RAF1: variants seen among roughly 807,000 people sequenced by gnomAD.
RAF1 encodes Raf-1 proto-oncogene, serine/threonine kinase, also known as RAF proto-oncogene serine/threonine-protein kinase.
A neutral mutation model predicts 81.1 loss-of-function variants in RAF1; 27 were observed. That is an observed-to-expected ratio of 0.33 (90% CI 0.25 to 0.46). The LOEUF (loss-of-function observed/expected upper bound fraction) is 0.46. Among genes scored for constraint, RAF1 ranks in the 20% least tolerant of loss-of-function variants. The pLI is 1.00. For synonymous variants in RAF1, 298 were observed against 294.0 expected (o/e 1.01, Z -0.14); for missense variants, 598 against 826.0 (o/e 0.72, Z 3.38).
chr3:12,592,487 T>A (rs1174844230), intron 11 of RAF1, among the ~76,000 whole-genome samples: 1 of 152,200 alleles, frequency 6.6e-6, no homozygotes, highest in Non-Finnish European at 1.5e-5. Flanking sequence ...ACAGCTGCCC[T>A]CTGACGTAAA....
At chr3:12,656,963 C>T (rs1039905887) in intron 1 of RAF1, among the ~76,000 whole-genome samples, 2 of 149,178 alleles carry the variant, frequency 1.3e-5, no homozygotes, top group South Asian at 2.1e-4. Flanking sequence ...CGCCACTGTA[C>T]GCCAGCCTTT....
intron 1 of RAF1, among the ~76,000 whole-genome samples, chr3:12,655,010 C>T (rs189329575): frequency 6.7e-5 from 10 of 149,348 alleles, no homozygotes; most frequent in African/African-American, 2.2e-4. Context: ...ACCCCCCCCC[C>T]GCCATCTCTA....
chr3:12,607,167 G>A (rs2059060582), intron 5 of RAF1, among the ~76,000 whole-genome samples: 1 of 152,130 alleles, frequency 6.6e-6, no homozygotes, highest in South Asian at 2.1e-4. Context: ...AGAAAAGTGA[G>A]TAATTAGGCA....
intron 1 of RAF1, among the ~76,000 whole-genome samples, chr3:12,635,637 CAAAAAA>C (rs34576938): frequency 4.1e-5 from 3 of 73,288 alleles, no homozygotes; most frequent in African/African-American, 1.2e-4. Flanking sequence ...ACTCCAGCTC[CAAAAAA>C]AAAAAAAAAA....
intron 1 of RAF1, among the ~76,000 whole-genome samples, chr3:12,622,388 T>G (rs2059581804): frequency 6.8e-6 from 1 of 147,730 alleles, no homozygotes; most frequent in East Asian, 1.9e-4. Context: ...GAATAAAATC[T>G]AAACTCCCTG....
At position 12,604,366 on chromosome 3, in the gene RAF1, T is replaced by C. The variant is rs2058961859; in HGVS notation, c.681-77A>G. Reference sequence around the variant, plus strand: ...GAAGTCTTTCAAGTACATATTTGACTAAGTAAGATGCTTAAGGGCAAACTC... The same window carrying C: ...GAAGTCTTTCAAGTACATATTTGACCAAGTAAGATGCTTAAGGGCAAACTC... On this transcript the variant is annotated intron_variant, in intron 6 of 17. Transcript: ENST00000442415. The C allele has an allele frequency of 4.7e-6, 7 of 1,484,944 alleles. No individual in the cohort carries two copies. In the South Asian group the frequency reaches 8.4e-5, roughly 18 times the overall value. 92.0% of individuals were successfully genotyped at this position (1,484,944 alleles called of 1,614,324 possible). A position where few individuals can be genotyped will look rare whatever the true frequency, so the allele number is the denominator to read the frequency against.
chr3:12,645,794 C>G (rs1020861510), intron 1 of RAF1, among the ~76,000 whole-genome samples: 1 of 151,994 alleles, frequency 6.6e-6, no homozygotes, highest in Non-Finnish European at 1.5e-5. Context: ...AGGCTAGTCT[C>G]GAACTCCTGG....
At chr3:12,646,293 T>A (rs915992731) in intron 1 of RAF1, among the ~76,000 whole-genome samples, 2 of 152,054 alleles carry the variant, frequency 1.3e-5, no homozygotes, top group African/African-American at 4.8e-5. Context: ...TAATCTTTCA[T>A]TCATGCAGCT....
chr3:12,646,547 G>T (rs2060353919), intron 1 of RAF1, among the ~76,000 whole-genome samples: 1 of 145,952 alleles, frequency 6.9e-6, no homozygotes, highest in East Asian at 2.0e-4. Flanking sequence ...GCTAATTTTT[G>T]TATTTGTCTT....
intron 1 of RAF1, among the ~76,000 whole-genome samples, chr3:12,660,000 T>C (rs746828970): frequency 4.6e-5 from 7 of 152,196 alleles, no homozygotes; most frequent in Non-Finnish European, 8.8e-5. Flanking sequence ...CTACCTGAAA[T>C]AGTAGTTTAA....
Position 12,619,567 on chromosome 3 carries a change from CAAAAAAA to C in RAF1, c.-26-827_-26-821del, listed in dbSNP as rs544916552. Reference sequence around the variant, plus strand: ...GGGACAAGAGCGAGACTCCATCTCCCAAAAAAAAAAAAAAAAGCCAACTTGGAACATG... The same window carrying C: ...GGGACAAGAGCGAGACTCCATCTCCCAAAAAAAAAGCCAACTTGGAACATG... On this transcript the variant is annotated intron_variant, in intron 1 of 17. Coordinates refer to ENST00000442415, the MANE Select transcript of RAF1 (RefSeq NM_001354689.3). 8.6e-5 allele frequency among the ~76,000 whole-genome samples: 7 copies of C among 81,124 alleles called. No individual in the cohort carries two copies. In the East Asian group the frequency reaches 2.5e-3, roughly 29 times the overall value. 53.2% of individuals were successfully genotyped at this position (81,124 alleles called of 152,430 possible).
At chr3:12,608,982 C>A (rs2059125301) in intron 4 of RAF1, 59 bp from the exon 5 acceptor site, 6 of 1,599,348 alleles carry the variant, frequency 3.8e-6, no homozygotes, top group Non-Finnish European at 4.3e-6. Flanking sequence ...CAAAAGACAA[C>A]TTCATTTCTT....
intron 1 of RAF1, among the ~76,000 whole-genome samples, chr3:12,655,458 CT>C (rs1356519123): frequency 6.6e-6 from 1 of 152,180 alleles, no homozygotes; most frequent in Non-Finnish European, 1.5e-5. Context: ...AACTGGAACC[CT>C]TGTGCTTTGC....
At chr3:12,586,565 C>A (rs1559401878) in intron 14 of RAF1, among the ~76,000 whole-genome samples, 1 of 152,146 alleles carries the variant, frequency 6.6e-6, no homozygotes, top group East Asian at 1.9e-4. Context: ...GTGTTCCACA[C>A]CTCAGACATG....
Position 12,590,742 on chromosome 3 carries a change from A to G in RAF1, c.1430+56T>C, listed in dbSNP as rs2058487259. On this transcript the variant is annotated intron_variant, in intron 13 of 17. Coordinates refer to ENST00000442415, the MANE Select transcript of RAF1 (RefSeq NM_001354689.3). Reference sequence around the variant, plus strand: ...AAGGCTTTTCCTGATCCTGGTTCCAATTTAGGGACAAATTTGATGCCTGGG... The same window carrying G: ...AAGGCTTTTCCTGATCCTGGTTCCAGTTTAGGGACAAATTTGATGCCTGGG... 5.2e-6 allele frequency: 8 copies of G among 1,544,938 alleles called. No homozygotes were observed. The East Asian group carries it at 6.7e-5, about 13-fold the overall frequency.
At chr3:12,644,722 C>T (rs955817451) in intron 1 of RAF1, among the ~76,000 whole-genome samples, 17 of 152,270 alleles carry the variant, frequency 1.1e-4, no homozygotes, top group African/African-American at 3.1e-4. Context: ...TCTTCAAAAA[C>T]GCCTTAGCAA....
chr3:12,590,579 GCC>G, intron 13 of RAF1: 1 of 570,968 alleles, frequency 1.8e-6, no homozygotes, highest in Non-Finnish European at 3.1e-6. Flanking sequence ...ACTGGCCTTG[GCC>G]TCCCAAAGTG....
chr3:12,637,195 G>T (rs1321320765), intron 1 of RAF1, among the ~76,000 whole-genome samples: 1 of 152,110 alleles, frequency 6.6e-6, no homozygotes, highest in African/African-American at 2.4e-5. Flanking sequence ...GTAAACCTGG[G>T]AACTAGATTA....
At chr3:12,657,991 T>C (rs2060754007) in intron 1 of RAF1, among the ~76,000 whole-genome samples, 2 of 152,208 alleles carry the variant, frequency 1.3e-5, no homozygotes, top group African/African-American at 4.8e-5. Context: ...TACATATAAA[T>C]GGAATAATTC....
Sources: allele counts gnomAD v4.1 joint callset (sites outside exome capture counted in the v4.1 genomes callset), GRCh38; gene constraint gnomAD v4.1.1; transcripts MANE v1.5; gene names NCBI Gene and HGNC (gene_info 2026-07-23, HGNC 2026-07-21).